NRG1: variants seen among roughly 807,000 people sequenced by gnomAD.
The protein encoded by NRG1 is neuregulin 1.
Under a neutral mutation model 63.8 loss-of-function variants are expected in NRG1, and 18 were observed. The ratio of observed to expected loss-of-function variants is 0.28; its 90% CI spans 0.19 to 0.42. The LOEUF (loss-of-function observed/expected upper bound fraction) is 0.42, where lower values mean the gene tolerates loss of function less well. NRG1 is among the 10% of genes least tolerant of loss of function. The pLI is 1.00. For missense variants in NRG1, 762 were observed against 814.7 expected, an observed-to-expected ratio of 0.94 and a Z score of 0.79; for synonymous variants, 302 against 301.3, an observed-to-expected ratio of 1.00 and a Z score of -0.02.
intron 1 of NRG1, among the ~76,000 whole-genome samples, chr8:31,691,403 C>T (rs905842220): frequency 6.6e-6 from 1 of 151,200 alleles, no homozygotes; most frequent in Non-Finnish European, 1.5e-5. Flanking sequence ...GTCAGGAGTT[C>T]GAGACCACGG....
At chr8:31,936,395 T>TTATAATATAATATA (rs1835304924) in intron 1 of NRG1, among the ~76,000 whole-genome samples, 1 of 152,192 alleles carries the variant, frequency 6.6e-6, no homozygotes, top group African/African-American at 2.4e-5. Flanking sequence ...AGATATAACC[T>TTATAATATAATATA]TTCCATTTTA....
At chr8:32,570,893 T>C (rs1838453711) in intron 1 of NRG1, among the ~76,000 whole-genome samples, 1 of 152,156 alleles carries the variant, frequency 6.6e-6, no homozygotes, top group Admixed American at 6.5e-5. Flanking sequence ...ATGATATGAA[T>C]TTGCACTGAG....
At chr8:32,057,383 G>A (rs757575591) in intron 1 of NRG1, among the ~76,000 whole-genome samples, 2 of 152,108 alleles carry the variant, frequency 1.3e-5, no homozygotes, top group African/African-American at 2.4e-5. Context: ...AGTTCTGCAT[G>A]TTTGAACTTC....
At chr8:32,181,243 T>C (rs1841400617) in intron 1 of NRG1, among the ~76,000 whole-genome samples, 1 of 152,182 alleles carries the variant, frequency 6.6e-6, no homozygotes, top group Admixed American at 6.5e-5. Context: ...TATTAGTCCT[T>C]TGTGCTTTGA....
At chr8:32,019,770 C>CTA (rs1816145450) in intron 1 of NRG1, among the ~76,000 whole-genome samples, 1 of 152,176 alleles carries the variant, frequency 6.6e-6, no homozygotes, top group Non-Finnish European at 1.5e-5. Context: ...ATAACCAGTG[C>CTA]TATAGTACCA....
chr8:31,736,101 T>C (rs62506953), intron 1 of NRG1, among the ~76,000 whole-genome samples: 87 of 152,276 alleles, frequency 5.7e-4, no homozygotes, highest in Middle Eastern at 6.8e-3. Flanking sequence ...GTCCTTACCA[T>C]GACCTTCAAT....
At chr8:31,777,053 G>A (rs982336772) in intron 1 of NRG1, among the ~76,000 whole-genome samples, 4 of 151,994 alleles carry the variant, frequency 2.6e-5, no homozygotes, top group South Asian at 2.1e-4. Context: ...TCACAATAGC[G>A]AAGACTTGGA....
chr8:32,372,003 T>TTC (rs1808942504), intron 1 of NRG1, among the ~76,000 whole-genome samples: 2 of 146,782 alleles, frequency 1.4e-5, no homozygotes, highest in Non-Finnish European at 3.0e-5. Flanking sequence ...TTTTTTTTTT[T>TTC]TTTTTAAAAG....
At chr8:32,407,155 TG>T (rs1472798733) in intron 1 of NRG1, among the ~76,000 whole-genome samples, 1 of 151,318 alleles carries the variant, frequency 6.6e-6, no homozygotes, top group African/African-American at 2.4e-5. Flanking sequence ...AGGTAATATA[TG>T]GGAAAATGCT....
At chr8:32,592,182 T>G (rs1842650976) in intron 1 of NRG1, among the ~76,000 whole-genome samples, 1 of 152,104 alleles carries the variant, frequency 6.6e-6, no homozygotes, top group East Asian at 1.9e-4. Flanking sequence ...ATCTAAAGTT[T>G]AGTTGAAGAC....
At chr8:32,609,662 CT>C (rs752378599) in intron 3 of NRG1, among the ~76,000 whole-genome samples, 1,430 of 99,510 alleles carry the variant, frequency 0.014, 90 homozygotes, top group African/African-American at 0.052. Context: ...TCTCTCTTTC[CT>C]TTTTTTTTTT....
intron 1 of NRG1, among the ~76,000 whole-genome samples, chr8:32,570,296 G>C (rs2129528564): frequency 6.6e-6 from 1 of 152,208 alleles, no homozygotes; most frequent in African/African-American, 2.4e-5. Flanking sequence ...CTTATAGGAA[G>C]CTTGTGCATT....
chr8:32,709,173 A>G lies in NRG1; in HGVS notation c.503-18776A>G, dbSNP rs151090405. On this transcript the variant is annotated intron_variant, in intron 5 of 11. Transcript: ENST00000356819. ...ATTGACTGCTTATTTTTAGGAAACA[A>G]AGAAGCCTAAGTGAAAAATGTTAAT... Among the ~76,000 whole-genome samples the G allele has an allele frequency of 1.5e-3, 224 of 152,282 alleles. 2 individuals are homozygous for G. Among genetic ancestry groups the G allele is most frequent in the African/African-American group, 5.1e-3 (213 of 41,566 alleles).
chr8:31,948,711 C>T (rs1257243069), intron 1 of NRG1, among the ~76,000 whole-genome samples: 1 of 152,148 alleles, frequency 6.6e-6, no homozygotes, highest in East Asian at 1.9e-4. Flanking sequence ...TGATTAGGAA[C>T]TCTTGTGAGA....
At position 32,204,652 on chromosome 8, in the gene NRG1, C is replaced by T. The variant is rs896721489; in HGVS notation, c.38-391176C>T. On this transcript the variant is annotated intron_variant, in intron 1 of 10. Transcript: ENST00000519301. ...TCTGACAAAATGCCTGAGGTGTTAA[C>T]GGATCTTTTAAAATGTTAACTGTAG... Among the ~76,000 whole-genome samples, 24 of 152,246 alleles carry T rather than the reference C, an allele frequency of 1.6e-4. 1 individual carries two copies. Among genetic ancestry groups the T allele is most frequent in the South Asian group, 4.1e-4 (2 of 4,830 alleles).
At chr8:32,595,976 A>G in exon 2 of NRG1, 1 of 1,613,618 alleles carries the variant, frequency 6.2e-7, no homozygotes, top group South Asian at 1.1e-5. Flanking sequence ...AAAACAAACC[A>G]CAAAATATCA....
intron 9 of NRG1, among the ~76,000 whole-genome samples, chr8:32,756,942 A>G (rs1198053801): frequency 6.6e-6 from 1 of 152,098 alleles, no homozygotes; most frequent in Admixed American, 6.6e-5. Flanking sequence ...CTTTAGAGTT[A>G]TTTTCTTAGG....
chr8:31,663,713 C>T (rs929153460), intron 1 of NRG1, among the ~76,000 whole-genome samples: 2 of 152,142 alleles, frequency 1.3e-5, no homozygotes, highest in African/African-American at 4.8e-5. Flanking sequence ...AGTTAATGGG[C>T]AGGCATGTAG....
chr8:32,609,914 GC>G (rs1265757008), intron 3 of NRG1, among the ~76,000 whole-genome samples: 2 of 150,962 alleles, frequency 1.3e-5, no homozygotes, highest in Non-Finnish European at 3.0e-5. Context: ...CAAATGATCT[GC>G]CCACTTTGGG....
Sources: gnomAD v4.1 joint callset for allele counts (sites outside exome capture counted in the v4.1 genomes callset) on GRCh38, gnomAD v4.1.1 for gene constraint, MANE v1.5 for transcripts, NCBI Gene and HGNC (gene_info 2026-07-23, HGNC 2026-07-21) for gene names.